The following SH3GL1 variants were observed in gnomAD, a reference collection of about 807,000 sequenced individuals.
SH3GL1 encodes SH3 domain containing GRB2 like 1, endophilin A2, also known as endophilin-A2.
A neutral mutation model predicts 48.8 loss-of-function variants in SH3GL1; 21 were observed. The observed-to-expected ratio is 0.43, with a 90% CI of 0.30 to 0.62. The LOEUF (loss-of-function observed/expected upper bound fraction) is 0.62. Ranked by LOEUF, SH3GL1 falls within the 20% of genes least tolerant of loss-of-function variation. SH3GL1 has a pLI of 0.11. For missense variants in SH3GL1, 454 were observed against 503.0 expected, an observed-to-expected ratio of 0.90 and a Z score of 0.93; for synonymous variants, 282 against 217.5, an observed-to-expected ratio of 1.30 and a Z score of -2.61.
At chr19:4,378,806 T>C (rs1039197674) in intron 1 of SH3GL1, among the ~76,000 whole-genome samples, 2 of 152,180 alleles carry the variant, frequency 1.3e-5, no homozygotes, top group Non-Finnish European at 2.9e-5. Flanking sequence ...GAATGATGGG[T>C]GTGGGGCCGG....
At chr19:4,373,337 C>T (rs1778775271) in intron 1 of SH3GL1, among the ~76,000 whole-genome samples, 2 of 152,214 alleles carry the variant, frequency 1.3e-5, no homozygotes, top group African/African-American at 4.8e-5. Flanking sequence ...GGGCTCCCCT[C>T]AGCATCTGGG....
At position 4,388,197 on chromosome 19, in the gene SH3GL1, G is replaced by A. The variant is rs113145502; in HGVS notation, c.45+12127C>T. Among the ~76,000 whole-genome samples, 240 of 152,212 alleles carry A rather than the reference G, an allele frequency of 1.6e-3. 1 individual carries two copies. The highest frequency in any genetic ancestry group is 5.4e-3 in the African/African-American group (226 of 41,524). On this transcript the variant is annotated intron_variant, in intron 1 of 9. Coordinates refer to ENST00000269886, the MANE Select transcript of SH3GL1 (RefSeq NM_003025.4). ...GTTATTGAGCAAGGAAAAATACCAC[G>A]ATCCCCTTTAAAATACATTTTAAAA...
chr19:4,384,710 GAC>G (rs1333126890), intron 1 of SH3GL1, among the ~76,000 whole-genome samples: 1 of 152,238 alleles, frequency 6.6e-6, no homozygotes, highest in Non-Finnish European at 1.5e-5. Flanking sequence ...AGAACGGATA[GAC>G]ACACTGTGGA....
chr19:4,380,772 G>A (rs535283438), intron 1 of SH3GL1, among the ~76,000 whole-genome samples: 9 of 152,124 alleles, frequency 5.9e-5, no homozygotes, highest in Non-Finnish European at 7.4e-5. Flanking sequence ...CAAAATCCAA[G>A]TTAAGTAACG....
rs243261 is a variant in SH3GL1 at position 4,362,694 on chromosome 19, G to C, written c.771C>G (p.Pro257=). ...ASSRPKREYK[P]KPREPFDLGE... ...CAAGGTCAAAGGGCTCCCGGGGCTT[G>C]GGCTTATACTCCCGCTTAGGGCGTG... Residue 257 remains proline, a synonymous_variant, in exon 8 of 10, where the codon CCC becomes CCG. Coordinates refer to ENST00000269886, the MANE Select transcript of SH3GL1 (RefSeq NM_003025.4). 475,870 of 1,613,810 alleles carry C rather than the reference G, an allele frequency of 0.29. 73,994 individuals are homozygous for C. Among genetic ancestry groups the C allele is most frequent in the East Asian group, 0.58 (26,213 of 44,862 alleles).
chr19:4,366,810 C>G, intron 2 of SH3GL1, 116 bp downstream of exon 2: 1 of 1,075,588 alleles, frequency 9.3e-7, no homozygotes. Context: ...TCCACACCTG[C>G]CGGGCCCCAT....
chr19:4,361,864 A>G (rs1972626045), intron 9 of SH3GL1, 68 bp from the exon 10 acceptor site: 1 of 1,120,942 alleles, frequency 8.9e-7, no homozygotes, highest in Non-Finnish European at 1.3e-6. Context: ...GGGGTCTCAG[A>G]CCTGCTGTGA....
chr19:4,374,977 C>G (rs937070527), intron 1 of SH3GL1, among the ~76,000 whole-genome samples: 11 of 152,332 alleles, frequency 7.2e-5, no homozygotes, highest in African/African-American at 2.4e-4. Flanking sequence ...GGGCGGTGAC[C>G]TGGGCTCGGC....
At chr19:4,368,757 G>A (rs1354362030) in intron 1 of SH3GL1, among the ~76,000 whole-genome samples, 1 of 152,194 alleles carries the variant, frequency 6.6e-6, no homozygotes, top group Non-Finnish European at 1.5e-5. Flanking sequence ...CAGCCACACA[G>A]CACCTTGGAA....
intron 1 of SH3GL1, among the ~76,000 whole-genome samples, chr19:4,394,509 A>G (rs1973391878): frequency 6.6e-6 from 1 of 152,132 alleles, no homozygotes; most frequent in Non-Finnish European, 1.5e-5. Context: ...TGGCCAGTTC[A>G]TGACAAGAAG....
intron 1 of SH3GL1, among the ~76,000 whole-genome samples, chr19:4,370,816 G>A (rs1198145516): frequency 1.3e-5 from 2 of 152,260 alleles, no homozygotes; most frequent in Non-Finnish European, 2.9e-5. Context: ...AAGTCACTAT[G>A]GGAGAGGCCC....
At chr19:4,397,678 G>A (rs952597493) in intron 1 of SH3GL1, among the ~76,000 whole-genome samples, 2 of 152,176 alleles carry the variant, frequency 1.3e-5, no homozygotes, top group Non-Finnish European at 2.9e-5. Flanking sequence ...GTCTAACCCA[G>A]GGCCAGGCCA....
chr19:4,369,209 TAGG>T (rs1972846217), intron 1 of SH3GL1, among the ~76,000 whole-genome samples: 1 of 152,224 alleles, frequency 6.6e-6, no homozygotes, highest in East Asian at 1.9e-4. Context: ...CTGAAGGCAT[TAGG>T]AGGAAGGAGC....
chr19:4,361,548 C>T lies in SH3GL1; in HGVS notation c.*52G>A, dbSNP rs2144852405. The T allele has an allele frequency of 2.9e-6, 4 of 1,401,094 alleles. No homozygotes were observed. Among genetic ancestry groups the T allele is most frequent in the Non-Finnish European group, 3.9e-6 (4 of 1,020,386 alleles). 86.8% of individuals were successfully genotyped at this position (1,401,094 alleles called of 1,614,324 possible). A position where few individuals can be genotyped will look rare whatever the true frequency, so the allele number is the denominator to read the frequency against. Reference sequence around the variant, plus strand: ...GCTCCGTGGAATGCAGGAGACCCAGCAGGGGGTGCCGGCCAGTGTGGACGG... The same window carrying T: ...GCTCCGTGGAATGCAGGAGACCCAGTAGGGGGTGCCGGCCAGTGTGGACGG... On this transcript the variant is annotated 3_prime_UTR_variant, in exon 10 of 10. Transcript: ENST00000269886.
At chr19:4,373,513 C>T (rs558733225) in intron 1 of SH3GL1, among the ~76,000 whole-genome samples, 6 of 152,322 alleles carry the variant, frequency 3.9e-5, no homozygotes, top group East Asian at 1.9e-4. Context: ...TATTTTCTCA[C>T]GGAAACCCCA....
rs12327755 is a variant in SH3GL1, at chr19:4,389,594, G to A, written c.45+10730C>T. On this transcript the variant is annotated intron_variant, in intron 1 of 9. Transcript: ENST00000269886. This position sits in a 1 kb window ranked among gnomAD's most constrained non-coding sequence, Gnocchi z 4.5. ...CGAAATTCGGCTGAGAGCTTGAACT[G>A]TACCCTGGGCCAGGTGGAGACCTGC... Among the ~76,000 whole-genome samples, 7,125 of 152,248 alleles carry A rather than the reference G, an allele frequency of 0.047. 346 individuals carry two copies. Among genetic ancestry groups the A allele is most frequent in the African/African-American group, 0.12 (5,165 of 41,518 alleles).
intron 1 of SH3GL1, among the ~76,000 whole-genome samples, chr19:4,383,559 T>C (rs1973178599): frequency 6.6e-6 from 1 of 152,096 alleles, no homozygotes; most frequent in African/African-American, 2.4e-5. Context: ...TAGTTCATAT[T>C]TACTGTGATT....
At position 4,367,618 on chromosome 19, in the gene SH3GL1, C is replaced by A. The variant is rs181581786; in HGVS notation, c.46-624G>T. ...AGGCAGTCAACACAGGCCTGGCACACCTTGGTCCTCACGGCTCTCAGCTAC... is the reference window on the plus strand; with the variant it reads ...AGGCAGTCAACACAGGCCTGGCACAACTTGGTCCTCACGGCTCTCAGCTAC... On this transcript the variant is annotated intron_variant, in intron 1 of 9. Coordinates refer to ENST00000269886, the MANE Select transcript of SH3GL1 (RefSeq NM_003025.4). The surrounding 1 kb of genome is among the most constrained non-coding windows in gnomAD (Gnocchi z 4.2). 9.2e-4 allele frequency among the ~76,000 whole-genome samples: 140 copies of A among 152,336 alleles called. No individual in the cohort carries two copies. The highest frequency in any genetic ancestry group is 3.4e-3 in the Middle Eastern group (1 of 294).
rs925353820 is a variant in SH3GL1 at position 4,360,567 on chromosome 19, G to C, written c.*1033C>G. ...ACAGGGGGAGGGGAATGTGAATGTG[G>C]CCTGGCCCAGAGAACTCCCCATTTC... is the stretch of plus-strand genomic sequence containing the variant. On this transcript the variant is annotated 3_prime_UTR_variant, in exon 10 of 10. Transcript: ENST00000269886. 1.3e-5 allele frequency: 3 copies of C among 233,322 alleles called. No homozygotes were observed. Among genetic ancestry groups the C allele is most frequent in the Admixed American group, 5.6e-5 (1 of 17,796 alleles). 14.5% of individuals were successfully genotyped at this position (233,322 alleles called of 1,614,324 possible).
Sources: gnomAD v4.1 joint callset for allele counts (sites outside exome capture counted in the v4.1 genomes callset) on GRCh38, gnomAD v4.1.1 for gene constraint, Gnocchi (gnomAD v3.1) non-coding constraint, MANE v1.5 for transcripts, NCBI Gene and HGNC (gene_info 2026-07-23, HGNC 2026-07-21) for gene names.